The following PRXL2B variants were observed in gnomAD, a reference collection of about 807,000 sequenced individuals.
PRXL2B encodes the protein peroxiredoxin like 2B.
A neutral mutation model predicts 24.4 loss-of-function variants in PRXL2B; 26 were observed. That is an observed-to-expected ratio of 1.07 (90% confidence interval 0.78 to 1.48). PRXL2B has a LOEUF of 1.48. Among genes scored for constraint, PRXL2B ranks in the 40% most tolerant of loss-of-function variants. PRXL2B has a pLI of 0.00. For synonymous variants in PRXL2B, 115 were observed against 118.9 expected (o/e 0.97, Z 0.21); for missense variants, 269 against 264.8 (o/e 1.02, Z -0.11).
rs746750927 is a variant in PRXL2B at position 2,589,864 on chromosome 1, G to C, written c.*437G>C. 1 of 201,694 alleles carries C rather than the reference G, an allele frequency of 5.0e-6. No individual in the cohort carries two copies. The highest frequency in any genetic ancestry group is 1.0e-5 in the Non-Finnish European group (1 of 100,082). The allele number at this position is 201,694 out of a possible 1,614,324, so 12.5% of individuals were successfully genotyped here. Reference sequence around the variant, plus strand: ...AGGGTCGGGGTCAGTGCCTGTGTCTGGTGGGGGCCACTCAGGAGAGTTGGG... The same window carrying C: ...AGGGTCGGGGTCAGTGCCTGTGTCTCGTGGGGGCCACTCAGGAGAGTTGGG... On this transcript the variant is annotated 3_prime_UTR_variant, in exon 7 of 7. Transcript: ENST00000419916.
At position 2,588,606 on chromosome 1, in the gene PRXL2B, G is replaced by A. The variant is rs1193041799; in HGVS notation, c.441G>A (p.Gly147=). Residue 147 remains glycine, a synonymous_variant, in exon 5 of 7, where the codon GGG becomes GGA. Transcript: ENST00000419916. The part of the protein sequence containing the change: ...NLSGDLLQSG[G]LLVVSKGGDK... The stretch of plus-strand genomic sequence containing the variant: ...CTGGGGACCTGCTGCAGAGCGGAGG[G>A]CTGCTGGTGGTCAGCAAAGGTGGGT... 2 of 1,614,050 alleles carry A rather than the reference G, an allele frequency of 1.2e-6. No individual in the cohort carries two copies. Among genetic ancestry groups the A allele is most frequent in the South Asian group, 2.2e-5 (2 of 91,086 alleles).
Position 2,591,405 on chromosome 1 carries a change from A to G in PRXL2B, c.*1978A>G. 1 of 676,318 alleles carries G rather than the reference A, an allele frequency of 1.5e-6. No homozygotes were observed. The highest frequency in any genetic ancestry group is 2.6e-5 in the East Asian group (1 of 37,912). The allele number at this position is 676,318 out of a possible 1,614,324, so 41.9% of individuals were successfully genotyped here. On this transcript the variant is annotated 3_prime_UTR_variant, in exon 7 of 7. Transcript: ENST00000419916. ...CTTAGTCTGTAAGAGAATGTCCCTG[A>G]CCGAAATCGGCCAGAAGCCCCTCTC...
In PRXL2B at chr1:2,591,283, C is replaced by G. The variant is rs569088418; in HGVS notation, c.*1856C>G. On this transcript the variant is annotated 3_prime_UTR_variant, in exon 7 of 7. Transcript: ENST00000419916. ...GCCAATCCTGAGAATAACCTCCCCT[C>G]CAGCCAGAGATATTCCAACTCTGCA... is the stretch of plus-strand genomic sequence containing the variant. 11 of 596,862 alleles carry G rather than the reference C, an allele frequency of 1.8e-5. No individual in the cohort carries two copies. In the South Asian group the frequency reaches 2.3e-4, roughly 12 times the overall value. The allele number at this position is 596,862 out of a possible 1,614,324, so 37.0% of individuals were successfully genotyped here. A position where few individuals can be genotyped will look rare whatever the true frequency, so the allele number is the denominator to read the frequency against.
Position 2,591,171 on chromosome 1 carries a change from C to A in PRXL2B, c.*1744C>A, listed in dbSNP as rs2100920157. The A allele has an allele frequency of 1.1e-6, 1 of 925,240 alleles. No individual in the cohort carries two copies. The allele number at this position is 925,240 out of a possible 1,614,324, so 57.3% of individuals were successfully genotyped here. On this transcript the variant is annotated 3_prime_UTR_variant, in exon 7 of 7. Coordinates refer to ENST00000419916, the MANE Select transcript of PRXL2B (RefSeq NM_152371.5). ...TTTTAAGTTCTCCGTGATTAAAAAC[C>A]AGCCCAAAACATCAGCCTAATGGCT...
Position 2,591,111 on chromosome 1 carries a change from A to G in PRXL2B, c.*1684A>G. On this transcript the variant is annotated 3_prime_UTR_variant, in exon 7 of 7. Transcript: ENST00000419916. ...TACCCTGTGGGTGGGTGGGTGTGAC[A>G]GCAGGAGCATTGCCATCTTGGACAA... 1 of 1,518,418 alleles carries G rather than the reference A, an allele frequency of 6.6e-7. No individual in the cohort carries two copies. Among genetic ancestry groups the G allele is most frequent in the Non-Finnish European group, 8.9e-7 (1 of 1,128,124 alleles). The allele number at this position is 1,518,418 out of a possible 1,614,324, so 94.1% of individuals were successfully genotyped here.
At chr1:2,586,656 G>C, upstream of PRXL2B, 1 of 1,069,724 alleles carries the variant, frequency 9.3e-7, no homozygotes, top group Non-Finnish European at 1.2e-6. Flanking sequence ...CTCGGGGTGC[G>C]GTCGGGGGCG....
chr1:2,589,121 G>T, intron 6 of PRXL2B, 81 bp downstream of exon 6: 1 of 1,362,028 alleles, frequency 7.3e-7, no homozygotes, highest in South Asian at 1.2e-5. Flanking sequence ...GGCTTGGCTG[G>T]GAGCTGAGCC....
Position 2,589,603 on chromosome 1 carries a change from C to T in PRXL2B, c.*176C>T. The T allele has an allele frequency of 2.4e-6, 2 of 835,474 alleles. No homozygotes were observed. The highest frequency in any genetic ancestry group is 3.3e-5 in the South Asian group (2 of 60,978). The allele number at this position is 835,474 out of a possible 1,614,324, so 51.8% of individuals were successfully genotyped here. ...CAGTTCCTGACCACGCACTGCTTCGCAGGCTCCGAGCCCTGCATCCTCCAC... is the reference window on the plus strand; with the variant it reads ...CAGTTCCTGACCACGCACTGCTTCGTAGGCTCCGAGCCCTGCATCCTCCAC... On this transcript the variant is annotated 3_prime_UTR_variant, in exon 7 of 7. Coordinates refer to ENST00000419916, the MANE Select transcript of PRXL2B (RefSeq NM_152371.5).
In PRXL2B at chr1:2,587,745, C is replaced by G; in HGVS notation, c.273C>G (p.Leu91=). The change falls in exon 3 of 7, where the codon CTC becomes CTG. Residue 91 remains leucine (L), a synonymous_variant. Transcript: ENST00000419916. This position sits in a 1 kb window ranked among gnomAD's most constrained non-coding sequence, Gnocchi z 6.1. The part of the protein sequence containing the change: ...FLDGDYFAGE[L]YLDESKQLYK... ...CATGTGGCTTCCGCTTTCCAGAGCT[C>G]TACCTGGATGAGAGCAAGCAGCTTT... 1.2e-6 allele frequency: 2 copies of G among 1,603,404 alleles called. No individual in the cohort carries two copies. The highest frequency in any genetic ancestry group is 2.2e-5 in the East Asian group (1 of 44,522).
chr1:2,591,142 G>A lies in PRXL2B; in HGVS notation c.*1715G>A. On this transcript the variant is annotated 3_prime_UTR_variant, in exon 7 of 7. Transcript: ENST00000419916. ...AGCATTGCCATCTTGGACAAACATGGCCATTTTAAGTTCTCCGTGATTAAA... is the reference window on the plus strand; with the variant it reads ...AGCATTGCCATCTTGGACAAACATGACCATTTTAAGTTCTCCGTGATTAAA... 7.7e-7 allele frequency: 1 copy of A among 1,293,898 alleles called. No homozygotes were observed. Among genetic ancestry groups the A allele is most frequent in the Non-Finnish European group, 1.1e-6 (1 of 944,870 alleles). 80.2% of individuals were successfully genotyped at this position (1,293,898 alleles called of 1,614,324 possible). A position where few individuals can be genotyped will look rare whatever the true frequency, so the allele number is the denominator to read the frequency against.
chr1:2,588,469 G>C lies in PRXL2B; in HGVS notation c.384+16G>C, dbSNP rs752054416. The C allele has an allele frequency of 6.2e-7, 1 of 1,613,988 alleles. No homozygotes were observed. The highest frequency in any genetic ancestry group is 8.5e-7 in the Non-Finnish European group (1 of 1,179,974). On this transcript the variant is annotated intron_variant, in intron 4 of 6. Coordinates refer to ENST00000419916, the MANE Select transcript of PRXL2B (RefSeq NM_152371.5). ...GGCTGCCAAGGTGTGTGCGGGTCAA[G>C]GGTGTACAGGCCGGGGGGTGGTGGG... is the stretch of plus-strand genomic sequence containing the variant.
In PRXL2B at chr1:2,588,882, C is replaced by T. The variant is rs373599830; in HGVS notation, c.461-40C>T. ...CTGGTATGTGGCTGTGAGGTGCAGG[C>T]GGCCTCCGGGGTGCCGTGACTGCCT... On this transcript the variant is annotated intron_variant, in intron 5 of 6. Transcript: ENST00000419916. 212 of 1,579,748 alleles carry T rather than the reference C, an allele frequency of 1.3e-4. 1 individual carries two copies. The South Asian group carries it at 1.6e-3, about 12-fold the overall frequency.
At chr1:2,588,851 C>A in intron 5 of PRXL2B, 71 bp from the exon 6 acceptor site, 1 of 1,473,652 alleles carries the variant, frequency 6.8e-7, no homozygotes, top group South Asian at 1.2e-5. Flanking sequence ...CCTACCCTCC[C>A]TCCTCCTGGT....
At position 2,587,279 on chromosome 1, in the gene PRXL2B, C is replaced by A; in HGVS notation, c.252C>A (p.Gly84=). The change falls in exon 2 of 7, where the codon GGC becomes GGA. Residue 84 remains glycine, a synonymous_variant. Coordinates refer to ENST00000419916, the MANE Select transcript of PRXL2B (RefSeq NM_152371.5). The surrounding 1 kb of genome is among the most constrained non-coding windows in gnomAD (Gnocchi z 6.1). ...EALGLQEFLD[G]DYFAGELYLD... ...TGGGTCTGCAGGAGTTCCTGGACGG[C>A]GACTACTTCGCGGGAGGTGCGTCCT... 1.3e-6 allele frequency: 2 copies of A among 1,570,378 alleles called. No homozygotes were observed. The highest frequency in any genetic ancestry group is 1.7e-6 in the Non-Finnish European group (2 of 1,164,372).
rs1052316628 is a variant in PRXL2B, at chr1:2,587,468, G to A, written c.268+173G>A. Among the ~76,000 whole-genome samples the A allele has an allele frequency of 6.6e-6, 1 of 152,148 alleles. No homozygotes were observed. Among genetic ancestry groups the A allele is most frequent in the African/African-American group, 2.4e-5 (1 of 41,428 alleles). ...TCCCCGCCCCGCAGCTGGTGGCTGG[G>A]TGGTGCCCTGCACAGACCTGGGCCC... On this transcript the variant is annotated intron_variant, in intron 2 of 6. Transcript: ENST00000419916. The surrounding 1 kb of genome is among the most constrained non-coding windows in gnomAD (Gnocchi z 6.1).
rs752071739 is a variant in PRXL2B at position 2,586,894 on chromosome 1, G to T, written c.9G>T (p.Thr3=). The change falls in exon 1 of 7, where the codon ACG becomes ACT. Residue 3 remains threonine (T), a synonymous_variant. Coordinates refer to ENST00000419916, the MANE Select transcript of PRXL2B (RefSeq NM_152371.5). The stretch of plus-strand genomic sequence containing the variant: ...GGCTGGCAGCGGCCGCCATGAGCAC[G>T]GTGGACCTTGCTCGCGTGGGCGCGT... MS[T]VDLARVGACI... 15 of 1,309,850 alleles carry T rather than the reference G, an allele frequency of 1.1e-5. No individual in the cohort carries two copies. In the South Asian group the frequency reaches 3.8e-4, roughly 34 times the overall value. The allele number at this position is 1,309,850 out of a possible 1,614,324, so 81.1% of individuals were successfully genotyped here.
Position 2,587,007 on chromosome 1 carries a change from T to C in PRXL2B, c.63+59T>C. On this transcript the variant is annotated intron_variant, in intron 1 of 6. Transcript: ENST00000419916. This position sits in a 1 kb window ranked among gnomAD's most constrained non-coding sequence, Gnocchi z 6.1. The stretch of plus-strand genomic sequence containing the variant: ...TCCCTGGCTCCTTGCCCGGGCGTCC[T>C]GGCAGCGATGGGGTGGTGGGGGCCG... 4.8e-6 allele frequency: 4 copies of C among 834,744 alleles called. No homozygotes were observed. Among genetic ancestry groups the C allele is most frequent in the Non-Finnish European group, 5.8e-6 (4 of 693,798 alleles). The allele number at this position is 834,744 out of a possible 1,614,324, so 51.7% of individuals were successfully genotyped here. A position where few individuals can be genotyped will look rare whatever the true frequency, so the allele number is the denominator to read the frequency against.
Position 2,589,521 on chromosome 1 carries a change from T to C in PRXL2B, c.*94T>C. On this transcript the variant is annotated 3_prime_UTR_variant, in exon 7 of 7. Transcript: ENST00000419916. ...CTTGGAAGAACTGTTCCGGAGGCGC[T>C]GGGTCGGGATGCCGAACCTCTCCTG... The C allele has an allele frequency of 6.3e-7, 1 of 1,578,714 alleles. No homozygotes were observed. Among genetic ancestry groups the C allele is most frequent in the Non-Finnish European group, 8.7e-7 (1 of 1,155,086 alleles).
Position 2,588,635 on chromosome 1 carries a change from G to A in PRXL2B, c.460+10G>A. ...CTGGTGGTCAGCAAAGGTGGGTCGAGGGAGGGGCCTCGGCCACTGCCTCAA... is the reference window on the plus strand; with the variant it reads ...CTGGTGGTCAGCAAAGGTGGGTCGAAGGAGGGGCCTCGGCCACTGCCTCAA... On this transcript the variant is annotated intron_variant, in intron 5 of 6. Coordinates refer to ENST00000419916, the MANE Select transcript of PRXL2B (RefSeq NM_152371.5). 1 of 1,613,208 alleles carries A rather than the reference G, an allele frequency of 6.2e-7. No individual in the cohort carries two copies. Among genetic ancestry groups the A allele is most frequent in the Non-Finnish European group, 8.5e-7 (1 of 1,179,668 alleles).
Sources: gnomAD v4.1 joint callset for allele counts (sites outside exome capture counted in the v4.1 genomes callset) on GRCh38, gnomAD v4.1.1 for gene constraint, Gnocchi (gnomAD v3.1) non-coding constraint, MANE v1.5 for transcripts, NCBI Gene and HGNC (gene_info 2026-07-23, HGNC 2026-07-21) for gene names.